The following ROBO1 variants were observed in gnomAD, a reference collection of about 807,000 sequenced individuals.
The protein encoded by ROBO1 is roundabout homolog 1.
Under a neutral mutation model 195.9 loss-of-function variants are expected in ROBO1, and 149 were observed. The observed-to-expected ratio is 0.76, with a 90% CI of 0.67 to 0.87. The LOEUF (loss-of-function observed/expected upper bound fraction) is 0.87, where lower values mean the gene tolerates loss of function less well. Ranked by LOEUF, ROBO1 falls within the 40% of genes least tolerant of loss-of-function variation. The pLI, the probability that ROBO1 is intolerant of heterozygous loss-of-function variation, is 0.00. For synonymous variants in ROBO1, 816 were observed against 733.2 expected (o/e 1.11, Z -1.82); for missense variants, 1,933 against 2,068.3 (o/e 0.93, Z 1.27).
At chr3:79,729,934 C>T (rs1703076595) in intron 1 of ROBO1, among the ~76,000 whole-genome samples, 1 of 152,062 alleles carries the variant, frequency 6.6e-6, no homozygotes, top group African/African-American at 2.4e-5. Flanking sequence ...ATGGCCCATC[C>T]CATGATTTCT....
intron 1 of ROBO1, among the ~76,000 whole-genome samples, chr3:79,665,908 G>T (rs1946463489): frequency 6.6e-6 from 1 of 151,864 alleles, no homozygotes; most frequent in Non-Finnish European, 1.5e-5. Flanking sequence ...TGTTGGGACA[G>T]TGAAAGATGA....
intron 3 of ROBO1, among the ~76,000 whole-genome samples, chr3:78,946,951 T>C (rs2040480154): frequency 6.6e-6 from 1 of 152,142 alleles, no homozygotes; most frequent in African/African-American, 2.4e-5. Context: ...GGTAGAGGGA[T>C]CAATTCAACA....
At position 79,504,327 on chromosome 3, in the gene ROBO1, C is replaced by T. The variant is rs77581326; in HGVS notation, c.88+85497G>A. ...AAAGTTAGAAAATATTAGTAAATCTCCAGACTAATATAAATGTATAAATAT... is the reference window on the plus strand; with the variant it reads ...AAAGTTAGAAAATATTAGTAAATCTTCAGACTAATATAAATGTATAAATAT... On this transcript the variant is annotated intron_variant, in intron 2 of 30. Transcript: ENST00000464233. Among the ~76,000 whole-genome samples the T allele has an allele frequency of 5.9e-3, 891 of 151,942 alleles. 8 individuals are homozygous for T. The highest frequency in any genetic ancestry group is 0.02 in the African/African-American group (847 of 41,472).
At chr3:78,931,236 CTTTTT>C (rs71127369) in intron 4 of ROBO1, among the ~76,000 whole-genome samples, 13 of 79,206 alleles carry the variant, frequency 1.6e-4, no homozygotes, top group East Asian at 7.9e-4. Context: ...TTCTTTCTTT[CTTTTT>C]TTTTTTTTTT....
At chr3:78,948,042 AC>A in intron 3 of ROBO1, among the ~76,000 whole-genome samples, 1 of 152,280 alleles carries the variant, frequency 6.6e-6, no homozygotes, top group African/African-American at 2.4e-5. Flanking sequence ...TAGCTTACCA[AC>A]CAAAAAGAGT....
intron 1 of ROBO1, among the ~76,000 whole-genome samples, chr3:79,650,828 G>C (rs758020328): frequency 1.3e-5 from 2 of 151,814 alleles, no homozygotes; most frequent in Non-Finnish European, 2.9e-5. Context: ...ATAAAGGCCT[G>C]AGTCAGAAAA....
chr3:78,738,069 A>G (rs1450911007), intron 5 of ROBO1, among the ~76,000 whole-genome samples: 3 of 152,200 alleles, frequency 2.0e-5, no homozygotes, highest in African/African-American at 7.2e-5. Context: ...AGAAATTGGA[A>G]GAGCAGACGA....
chr3:78,674,802 A>G (rs1435673825), intron 10 of ROBO1, among the ~76,000 whole-genome samples: 1 of 152,184 alleles, frequency 6.6e-6, no homozygotes, highest in Non-Finnish European at 1.5e-5. Context: ...ATTTGAGACT[A>G]CTTTAGCATA....
chr3:79,082,673 T>C (rs2079295412), intron 3 of ROBO1, among the ~76,000 whole-genome samples: 3 of 152,150 alleles, frequency 2.0e-5, no homozygotes, highest in African/African-American at 7.2e-5. Context: ...TCCCAGTTAG[T>C]TGTCTCTATG....
chr3:78,895,535 G>A (rs2037174858), intron 4 of ROBO1, among the ~76,000 whole-genome samples: 1 of 152,182 alleles, frequency 6.6e-6, no homozygotes, highest in South Asian at 2.1e-4. Flanking sequence ...AAGCATAAAT[G>A]TTAAAATCAC....
chr3:78,847,577 C>T (rs2033753136), intron 4 of ROBO1, among the ~76,000 whole-genome samples: 1 of 152,150 alleles, frequency 6.6e-6, no homozygotes, highest in Non-Finnish European at 1.5e-5. Flanking sequence ...TGTAAGACTT[C>T]CCTTTTCAAA....
chr3:78,918,579 T>C (rs453354), intron 4 of ROBO1, among the ~76,000 whole-genome samples: 50,142 of 151,940 alleles, frequency 0.33, 8,513 homozygotes, highest in African/African-American at 0.4. Context: ...TGTTTTATAC[T>C]CTTTAGGGTA....
At chr3:78,703,152 C>G (rs1163911807) in intron 8 of ROBO1, among the ~76,000 whole-genome samples, 1 of 152,040 alleles carries the variant, frequency 6.6e-6, no homozygotes, top group Non-Finnish European at 1.5e-5. Context: ...TTTCTTTAAG[C>G]TATAAGTACA....
At chr3:79,212,723 G>A (rs886388856) in intron 2 of ROBO1, among the ~76,000 whole-genome samples, 3 of 151,914 alleles carry the variant, frequency 2.0e-5, no homozygotes, top group African/African-American at 7.3e-5. Flanking sequence ...GGGAGGCTGA[G>A]GCATGAGAAT....
At chr3:79,317,345 C>T (rs1473051629) in intron 2 of ROBO1, among the ~76,000 whole-genome samples, 1 of 152,042 alleles carries the variant, frequency 6.6e-6, no homozygotes, top group Admixed American at 6.6e-5. Context: ...CCTCATTTTC[C>T]TGTTTTAGTA....
intron 4 of ROBO1, among the ~76,000 whole-genome samples, chr3:78,762,076 G>A (rs1439293810): frequency 6.6e-6 from 1 of 151,974 alleles, no homozygotes; most frequent in Non-Finnish European, 1.5e-5. Flanking sequence ...CAATAATAAT[G>A]CAAGATTACA....
intron 2 of ROBO1, among the ~76,000 whole-genome samples, chr3:79,197,230 T>C (rs2081654992): frequency 6.6e-6 from 1 of 151,824 alleles, no homozygotes; most frequent in African/African-American, 2.4e-5. Context: ...GATGTTCCCC[T>C]CCCTGTGTCC....
intron 2 of ROBO1, among the ~76,000 whole-genome samples, chr3:79,243,944 T>C (rs2082572375): frequency 6.6e-6 from 1 of 152,198 alleles, no homozygotes; most frequent in Non-Finnish European, 1.5e-5. Context: ...GGTTTTCTTC[T>C]AGGGTTTTTA....
chr3:78,982,316 G>T (rs754520330), intron 3 of ROBO1, among the ~76,000 whole-genome samples: 1 of 152,134 alleles, frequency 6.6e-6, no homozygotes, highest in Non-Finnish European at 1.5e-5. Flanking sequence ...TTTCCCGCCT[G>T]CATATTAATA....
Sources: allele counts gnomAD v4.1 joint callset (sites outside exome capture counted in the v4.1 genomes callset), GRCh38; gene constraint gnomAD v4.1.1; transcripts MANE v1.5; gene names NCBI Gene and HGNC (gene_info 2026-07-23, HGNC 2026-07-21).